Variants in RAB6B observed in about 807,000 individuals in gnomAD.
The protein encoded by RAB6B is ras-related protein Rab-6B.
In RAB6B, 7 loss-of-function variants were observed where a neutral mutation model predicts 31.2. The observed-to-expected ratio is 0.22, with a 90% CI of 0.13 to 0.42. The LOEUF is 0.42. Among genes scored for constraint, RAB6B ranks in the 10% least tolerant of loss-of-function variants. The pLI is 1.00. For synonymous variants in RAB6B, 105 were observed against 104.9 expected (o/e 1.00, Z -0.01); for missense variants, 149 against 280.6 (o/e 0.53, Z 3.35).
chr3:133,829,745 AC>A (rs746648201), intron 7 of RAB6B, among the ~76,000 whole-genome samples: 54 of 152,300 alleles, frequency 3.5e-4, no homozygotes, highest in Non-Finnish European at 6.9e-4. Context: ...TGTTTTAAGT[AC>A]TATGAAAAGC....
chr3:133,841,777 C>G (rs377453454), intron 2 of RAB6B, 114 bp from the exon 3 acceptor site: 2 of 993,882 alleles, frequency 2.0e-6, no homozygotes, highest in African/African-American at 1.6e-5. Context: ...CATGTCAGGT[C>G]TAATGTGGCC....
intron 2 of RAB6B, among the ~76,000 whole-genome samples, chr3:133,848,597 T>C (rs1935936626): frequency 6.6e-6 from 1 of 152,118 alleles, no homozygotes; most frequent in Non-Finnish European, 1.5e-5. Context: ...CTTTGTGCTG[T>C]GTCATCCCAT....
intron 1 of RAB6B, among the ~76,000 whole-genome samples, chr3:133,879,120 T>C (rs1300798332): frequency 6.6e-6 from 1 of 152,206 alleles, no homozygotes; most frequent in Admixed American, 6.5e-5. Context: ...AATGCCTATC[T>C]CACAGAATTG....
chr3:133,887,115 C>T (rs900549326), intron 1 of RAB6B, among the ~76,000 whole-genome samples: 6 of 152,170 alleles, frequency 3.9e-5, no homozygotes, highest in Non-Finnish European at 8.8e-5. Context: ...CCTTTCCCTG[C>T]CCTCCCAGCT....
intron 2 of RAB6B, among the ~76,000 whole-genome samples, chr3:133,851,500 G>A (rs1038741613): frequency 5.9e-5 from 9 of 152,232 alleles, no homozygotes; most frequent in Admixed American, 5.2e-4. Flanking sequence ...AGGCAAGGGA[G>A]ACAAAACGGA....
At chr3:133,844,566 A>C (rs1368169972) in intron 2 of RAB6B, among the ~76,000 whole-genome samples, 1 of 152,240 alleles carries the variant, frequency 6.6e-6, no homozygotes, top group Admixed American at 6.5e-5. Context: ...TGTATCAAAC[A>C]AACCCTCCAA....
chr3:133,890,176 T>G (rs1195506845), intron 1 of RAB6B, among the ~76,000 whole-genome samples: 2 of 152,232 alleles, frequency 1.3e-5, no homozygotes, highest in Non-Finnish European at 2.9e-5. Flanking sequence ...TCTGGCAAGC[T>G]GAGGTCTGGT....
At chr3:133,848,736 A>G (rs1576397637) in intron 2 of RAB6B, among the ~76,000 whole-genome samples, 1 of 144,446 alleles carries the variant, frequency 6.9e-6, no homozygotes, top group African/African-American at 2.6e-5. Context: ...TTACCTAATC[A>G]CCTCTTAAAG....
chr3:133,858,846 C>T (rs1415349386), intron 2 of RAB6B, among the ~76,000 whole-genome samples: 1 of 152,198 alleles, frequency 6.6e-6, no homozygotes, highest in East Asian at 1.9e-4. Flanking sequence ...ACATGCCGAG[C>T]TTTTCAGCGT....
chr3:133,889,065 C>A (rs1936593355), intron 1 of RAB6B, among the ~76,000 whole-genome samples: 1 of 152,134 alleles, frequency 6.6e-6, no homozygotes, highest in African/African-American at 2.4e-5. Flanking sequence ...GGTAGTCCAC[C>A]CTGAATGTTT....
intron 4 of RAB6B, 67 bp from the exon 5 acceptor site, chr3:133,839,684 G>C: frequency 8.2e-7 from 1 of 1,214,168 alleles, no homozygotes; most frequent in Non-Finnish European, 1.2e-6. Context: ...GGGAAGGGGA[G>C]GTGTGAGCCA....
chr3:133,875,203 C>CA (rs1232073855), intron 1 of RAB6B, among the ~76,000 whole-genome samples: 1 of 152,184 alleles, frequency 6.6e-6, no homozygotes, highest in Non-Finnish European at 1.5e-5. Flanking sequence ...CAGCACATGA[C>CA]TATATATACA....
chr3:133,828,037 C>T lies in RAB6B; in HGVS notation c.*751G>A, dbSNP rs1293784124. The stretch of plus-strand genomic sequence containing the variant: ...TGCCAGTCCCTGAGGGCACAGAGAA[C>T]ACAAGGTTGCCTGTACCCTCAACCC... On this transcript the variant is annotated 3_prime_UTR_variant, in exon 8 of 8. Coordinates refer to ENST00000285208, the MANE Select transcript of RAB6B (RefSeq NM_016577.4). The T allele has an allele frequency of 1.4e-6, 1 of 701,678 alleles. No homozygotes were observed. The highest frequency in any genetic ancestry group is 2.6e-6 in the Non-Finnish European group (1 of 384,418). The allele number at this position is 701,678 out of a possible 1,614,324, so 43.5% of individuals were successfully genotyped here.
intron 4 of RAB6B, among the ~76,000 whole-genome samples, chr3:133,840,623 C>T (rs1182976320): frequency 3.9e-5 from 6 of 152,198 alleles, no homozygotes; most frequent in African/African-American, 1.4e-4. Context: ...GGCATTCGCC[C>T]ACTTCAGGGT....
intron 2 of RAB6B, among the ~76,000 whole-genome samples, chr3:133,853,699 G>T (rs1420814007): frequency 6.6e-6 from 1 of 152,140 alleles, no homozygotes; most frequent in Non-Finnish European, 1.5e-5. Context: ...TGGATTGGGA[G>T]TGTCCTGGAA....
chr3:133,840,731 C>A (rs183749616), intron 4 of RAB6B, among the ~76,000 whole-genome samples: 1 of 151,782 alleles, frequency 6.6e-6, no homozygotes, highest in African/African-American at 2.4e-5. Context: ...TGGCCCTGTG[C>A]GCCCTTGAGG....
At chr3:133,832,413 G>A (rs1295576449) in intron 7 of RAB6B, among the ~76,000 whole-genome samples, 3 of 152,070 alleles carry the variant, frequency 2.0e-5, no homozygotes, top group Admixed American at 6.5e-5. Context: ...AGCAGCAGAC[G>A]GAAACCTCAT....
At chr3:133,894,514 G>C (rs535100143) in intron 1 of RAB6B, 3 of 152,406 alleles carry the variant, frequency 2.0e-5, no homozygotes, top group Non-Finnish European at 4.4e-5. Context: ...GGTGAGCTGG[G>C]AGGTGGGGGT....
chr3:133,880,174 CT>C (rs1936446844), intron 1 of RAB6B, among the ~76,000 whole-genome samples: 1 of 152,224 alleles, frequency 6.6e-6, no homozygotes, highest in Non-Finnish European at 1.5e-5. Context: ...GCTTATTTAA[CT>C]GACAGAAGTC....
Sources: gnomAD v4.1 joint callset for allele counts (sites outside exome capture counted in the v4.1 genomes callset) on GRCh38, gnomAD v4.1.1 for gene constraint, MANE v1.5 for transcripts, NCBI Gene and HGNC (gene_info 2026-07-23, HGNC 2026-07-21) for gene names.